The following AASDHPPT variants were observed in gnomAD, a reference collection of about 807,000 sequenced individuals.
AASDHPPT encodes the protein aminoadipate-semialdehyde dehydrogenase-phosphopantetheinyl transferase.
AASDHPPT carries 23 observed loss-of-function variants against 36.4 expected under a neutral mutation model. That is an observed-to-expected ratio of 0.63 (90% CI 0.45 to 0.89). AASDHPPT has a LOEUF of 0.89. Ranked by LOEUF, AASDHPPT falls within the 40% of genes least tolerant of loss-of-function variation. The pLI, the probability that AASDHPPT is intolerant of heterozygous loss-of-function variation, is 0.00. For synonymous variants in AASDHPPT, 115 were observed against 128.0 expected, an observed-to-expected ratio of 0.90 and a Z score of 0.68; for missense variants, 377 against 378.2, an observed-to-expected ratio of 1.00 and a Z score of 0.03.
chr11:106,090,717 T>C (rs998290432), intron 3 of AASDHPPT, 39 bp downstream of exon 3: 2 of 1,562,422 alleles, frequency 1.3e-6, no homozygotes, highest in Non-Finnish European at 1.7e-6. Context: ...AAGTCTATAA[T>C]GATTCCATTA....
chr11:106,097,069 A>G lies in AASDHPPT; in HGVS notation c.*162A>G. The G allele has an allele frequency of 1.6e-6, 1 of 634,934 alleles. No individual in the cohort carries two copies. The highest frequency in any genetic ancestry group is 2.5e-6 in the Non-Finnish European group (1 of 399,748). 39.3% of individuals were successfully genotyped at this position (634,934 alleles called of 1,614,324 possible). On this transcript the variant is annotated 3_prime_UTR_variant, in exon 6 of 6. Coordinates refer to ENST00000278618, the MANE Select transcript of AASDHPPT (RefSeq NM_015423.3). The stretch of plus-strand genomic sequence containing the variant: ...AAAAAGCAGACTTCTGGTTCAAGAT[A>G]GCTCACTGGAATACATGTTTACCTC...
intron 1 of AASDHPPT, 49 bp from the exon 2 acceptor site, chr11:106,079,418 T>C (rs759617338): frequency 1.9e-5 from 28 of 1,461,460 alleles, no homozygotes; most frequent in Non-Finnish European, 2.5e-5. Context: ...AGTGTGCTTG[T>C]ATCTTTAGTA....
intron 1 of AASDHPPT, among the ~76,000 whole-genome samples, chr11:106,079,048 A>G (rs889799975): frequency 2.0e-5 from 3 of 152,230 alleles, no homozygotes; most frequent in African/African-American, 7.2e-5. Flanking sequence ...GAAATATGCT[A>G]CAGTTAAAAC....
At position 106,096,897 on chromosome 11, in the gene AASDHPPT, C is replaced by G; in HGVS notation, c.920C>G (p.Thr307Arg). The G allele has an allele frequency of 6.2e-7, 1 of 1,605,164 alleles. No individual in the cohort carries two copies. The highest frequency in any genetic ancestry group is 2.3e-5 in the East Asian group (1 of 44,322). ...FTEEIPIRNG[T>R]KS Reference sequence around the variant, plus strand: ...GAAGAAATTCCAATACGAAATGGTACAAAGTCATGATGATTCCCTGAGTAA... The same window carrying G: ...GAAGAAATTCCAATACGAAATGGTAGAAAGTCATGATGATTCCCTGAGTAA... Residue 307 changes from threonine to arginine, a missense_variant, in exon 6 of 6, where the codon ACA (threonine) becomes AGA (arginine). Transcript: ENST00000278618.
Position 106,097,102 on chromosome 11 carries a change from C to A in AASDHPPT, c.*195C>A. On this transcript the variant is annotated 3_prime_UTR_variant, in exon 6 of 6. Transcript: ENST00000278618. ...GGAATACATGTTTACCTCTTTCTTT[C>A]CTAAATTGCATTGAATTGATAGGAA... The A allele has an allele frequency of 2.1e-6, 1 of 483,336 alleles. No homozygotes were observed. The highest frequency in any genetic ancestry group is 3.5e-6 in the Non-Finnish European group (1 of 286,714). 29.9% of individuals were successfully genotyped at this position (483,336 alleles called of 1,614,324 possible).
In AASDHPPT at chr11:106,080,986, C is replaced by T. The variant is rs551971786; in HGVS notation, c.409+1294C>T. Among the ~76,000 whole-genome samples the T allele has an allele frequency of 4.9e-4, 74 of 152,310 alleles. 1 individual carries two copies. In the South Asian group the frequency reaches 0.015, roughly 30 times the overall value. ...TTTTCCTTATTCCAGTAATGTATCTCAGTTGATTATTCATCAGGATGATTG... is the reference window on the plus strand; with the variant it reads ...TTTTCCTTATTCCAGTAATGTATCTTAGTTGATTATTCATCAGGATGATTG... On this transcript the variant is annotated intron_variant, in intron 2 of 5. Transcript: ENST00000278618.
intron 2 of AASDHPPT, chr11:106,089,503 G>A (rs1861233042): frequency 6.6e-6 from 1 of 152,028 alleles, no homozygotes; most frequent in African/African-American, 2.4e-5. Flanking sequence ...TATACACTTA[G>A]TAAATGTTTG....
rs11553947 is a variant in AASDHPPT, at chr11:106,077,836, C to G, written c.126C>G (p.Pro42=). The change falls in exon 1 of 6, where the codon CCC becomes CCG. Residue 42 remains proline, a synonymous_variant. Coordinates refer to ENST00000278618, the MANE Select transcript of AASDHPPT (RefSeq NM_015423.3). ...TGCTGGCAGTGCGATCGATTCAGCC[C>G]GAGGAGAAGGAGCGCATTGGCCAGT... ...EWLLAVRSIQ[P]EEKERIGQFV... The G allele has an allele frequency of 3.1e-6, 5 of 1,614,066 alleles. No homozygotes were observed. In the African/African-American group the frequency reaches 4.0e-5, roughly 13 times the overall value.
intron 5 of AASDHPPT, 116 bp downstream of exon 5, chr11:106,094,770 T>G: frequency 2.8e-6 from 2 of 704,222 alleles, no homozygotes; most frequent in Admixed American, 3.3e-5. Flanking sequence ...TTTTTAAGAT[T>G]ATAGATATAG....
At chr11:106,091,054 A>G (rs542893654) in intron 3 of AASDHPPT, among the ~76,000 whole-genome samples, 4 of 152,266 alleles carry the variant, frequency 2.6e-5, no homozygotes, top group Admixed American at 6.5e-5. Context: ...TTTAATGTAC[A>G]TAACATCCCT....
At position 106,097,113 on chromosome 11, in the gene AASDHPPT, T is replaced by C; in HGVS notation, c.*206T>C. 1 of 461,970 alleles carries C rather than the reference T, an allele frequency of 2.2e-6. No individual in the cohort carries two copies. Among genetic ancestry groups the C allele is most frequent in the Non-Finnish European group, 3.7e-6 (1 of 270,662 alleles). 28.6% of individuals were successfully genotyped at this position (461,970 alleles called of 1,614,324 possible). ...TTACCTCTTTCTTTCCTAAATTGCATTGAATTGATAGGAAGGATGGCGGAA... is the reference window on the plus strand; with the variant it reads ...TTACCTCTTTCTTTCCTAAATTGCACTGAATTGATAGGAAGGATGGCGGAA... On this transcript the variant is annotated 3_prime_UTR_variant, in exon 6 of 6. Transcript: ENST00000278618.
Position 106,094,575 on chromosome 11 carries a change from T to C in AASDHPPT, c.694-8T>C. On this transcript the variant is annotated splice_polypyrimidine_tract_variant and splice_region_variant and intron_variant, in intron 4 of 5. Transcript: ENST00000278618. ...ATAATCTATATTTATTTACCTTTTA[T>C]CTTTCAGGAAAGCAAAATAGATGAG... 1 of 1,595,104 alleles carries C rather than the reference T, an allele frequency of 6.3e-7. No homozygotes were observed.
In AASDHPPT at chr11:106,079,509, A is replaced by T; in HGVS notation, c.226A>T (p.Asn76Tyr). ...MIRKLVAEKL[N>Y]IPWNHIRLQR... ...AAGGAAATTAGTTGCAGAGAAATTGAATATCCCTTGGAATCATATTCGTTT... is the reference window on the plus strand; with the variant it reads ...AAGGAAATTAGTTGCAGAGAAATTGTATATCCCTTGGAATCATATTCGTTT... Residue 76 changes from asparagine (N) to tyrosine (Y), a missense_variant, in exon 2 of 6, where the codon AAT (asparagine) becomes TAT (tyrosine). Transcript: ENST00000278618. 1 of 1,613,882 alleles carries T rather than the reference A, an allele frequency of 6.2e-7. No individual in the cohort carries two copies. Among genetic ancestry groups the T allele is most frequent in the Non-Finnish European group, 8.5e-7 (1 of 1,179,858 alleles).
chr11:106,078,010 G>A, intron 1 of AASDHPPT, 117 bp downstream of exon 1: 3 of 1,314,800 alleles, frequency 2.3e-6, no homozygotes, highest in Middle Eastern at 2.6e-4. Context: ...TGTGGAGCCT[G>A]TGGCCGGCCC....
chr11:106,085,578 G>A (rs149233692), intron 2 of AASDHPPT, among the ~76,000 whole-genome samples: 2 of 152,262 alleles, frequency 1.3e-5, no homozygotes, highest in African/African-American at 2.4e-5. Context: ...AAAGGTTAAT[G>A]TTGTTAAGAT....
chr11:106,091,409 A>T lies in AASDHPPT; in HGVS notation c.625A>T (p.Ile209Leu). 6.2e-7 allele frequency: 1 copy of T among 1,609,744 alleles called. No homozygotes were observed. Among genetic ancestry groups the T allele is most frequent in the Non-Finnish European group, 8.5e-7 (1 of 1,178,184 alleles). Residue 209 changes from isoleucine (I) to leucine (L), a missense_variant, in exon 4 of 6, where the codon ATA becomes TTA. Physicochemically the swap from Ile to Leu is conservative, Grantham distance 5. Transcript: ENST00000278618. ...EFDLSPLNLD[I>L]GQVYKETRLF... Reference sequence around the variant, plus strand: ...TGATCTATCTCCATTAAACTTGGATATAGGCCAAGTTTATAAAGAAACACG... The same window carrying T: ...TGATCTATCTCCATTAAACTTGGATTTAGGCCAAGTTTATAAAGAAACACG...
Position 106,090,599 on chromosome 11 carries a change from A to G in AASDHPPT, c.452A>G (p.Lys151Arg). Residue 151 changes from lysine to arginine, a missense_variant, in exon 3 of 6, where the codon AAG becomes AGG. Physicochemically the swap from Lys to Arg is conservative, Grantham distance 26. Transcript: ENST00000278618. ...IPEFFHIMKR[K>R]FTNKEWETIR... ...GAATTCTTTCATATTATGAAAAGAA[A>G]GTTTACCAACAAAGAATGGGAAACA... 4 of 1,600,250 alleles carry G rather than the reference A, an allele frequency of 2.5e-6. No homozygotes were observed. Among genetic ancestry groups the G allele is most frequent in the Non-Finnish European group, 3.4e-6 (4 of 1,175,336 alleles).
intron 2 of AASDHPPT, among the ~76,000 whole-genome samples, chr11:106,083,663 T>A (rs1861166938): frequency 6.6e-6 from 1 of 152,148 alleles, no homozygotes; most frequent in South Asian, 2.1e-4. Flanking sequence ...CCAGGATATA[T>A]ACATATTTCA....
rs766260978 is a variant in AASDHPPT, at chr11:106,077,901, A to G, written c.183+8A>G. The G allele has an allele frequency of 2.5e-6, 4 of 1,613,084 alleles. No homozygotes were observed. The highest frequency in any genetic ancestry group is 3.4e-6 in the Non-Finnish European group (4 of 1,179,368). On this transcript the variant is annotated splice_region_variant and intron_variant, in intron 1 of 5. Coordinates refer to ENST00000278618, the MANE Select transcript of AASDHPPT (RefSeq NM_015423.3). ...GACGCTAAGGCAGCCATGGTACTACAGGTCTTTTTTGGTATTTAGAGCCTA... is the reference window on the plus strand; with the variant it reads ...GACGCTAAGGCAGCCATGGTACTACGGGTCTTTTTTGGTATTTAGAGCCTA...
Sources: allele counts gnomAD v4.1 joint callset (sites outside exome capture counted in the v4.1 genomes callset), GRCh38; gene constraint gnomAD v4.1.1; transcripts MANE v1.5; gene names NCBI Gene and HGNC (gene_info 2026-07-23, HGNC 2026-07-21).